The following KHDRBS2 variants were observed in gnomAD, a reference collection of about 807,000 sequenced individuals.
The protein encoded by KHDRBS2 is KH RNA binding domain containing, signal transduction associated 2, also known as KH domain-containing, RNA-binding, signal transduction-associated protein 2.
In KHDRBS2, 26 loss-of-function variants were observed where a neutral mutation model predicts 44.3. That is an observed-to-expected ratio of 0.59 (90% confidence interval 0.43 to 0.81). KHDRBS2 has a LOEUF of 0.81. KHDRBS2 is among the 40% of genes least tolerant of loss of function. The pLI, the probability that KHDRBS2 is intolerant of heterozygous loss-of-function variation, is 0.00. For missense variants in KHDRBS2, 476 were observed against 433.1 expected, an observed-to-expected ratio of 1.10 and a Z score of -0.88; for synonymous variants, 194 against 151.1, an observed-to-expected ratio of 1.28 and a Z score of -2.08.
At chr6:61,668,420 A>C in the KHDRBS2 span, among the ~76,000 whole-genome samples, 2 of 151,124 alleles carry the variant, frequency 1.3e-5, no homozygotes, top group African/African-American at 4.8e-5. Flanking sequence ...TGATAAAAGA[A>C]AAATCTGCTG....
intron 6 of KHDRBS2, among the ~76,000 whole-genome samples, chr6:61,792,203 A>G (rs1329721993): frequency 6.6e-6 from 1 of 151,700 alleles, no homozygotes; most frequent in African/African-American, 2.4e-5. Flanking sequence ...TTACAACATT[A>G]GAACATTGTA....
Position 62,269,348 on chromosome 6 carries a change from G to A in KHDRBS2, c.91+16510C>T, listed in dbSNP as rs4265021. The stretch of plus-strand genomic sequence containing the variant: ...ATCACAAAACATATTTGTAACAAAC[G>A]ATGCAAACCCAGAACACAAATAACT... On this transcript the variant is annotated intron_variant, in intron 1 of 8. Coordinates refer to ENST00000281156, the MANE Select transcript of KHDRBS2 (RefSeq NM_152688.4). Among the ~76,000 whole-genome samples the A allele has an allele frequency of 8.3e-3, 1,266 of 152,048 alleles. 17 individuals are homozygous for A. The highest frequency in any genetic ancestry group is 0.029 in the African/African-American group (1,195 of 41,498).
chr6:62,048,325 A>T (rs1292281463), intron 2 of KHDRBS2, among the ~76,000 whole-genome samples: 1 of 151,912 alleles, frequency 6.6e-6, no homozygotes, highest in East Asian at 1.9e-4. Flanking sequence ...TGGTTTACAG[A>T]ATTTCTAAAG....
chr6:62,049,389 A>G (rs868462609), intron 2 of KHDRBS2, among the ~76,000 whole-genome samples: 3 of 151,950 alleles, frequency 2.0e-5, no homozygotes, highest in Admixed American at 1.3e-4. Context: ...TCATAGAACT[A>G]TATGTGACAA....
chr6:62,229,410 CT>C (rs1243937608), intron 1 of KHDRBS2, among the ~76,000 whole-genome samples: 2 of 152,162 alleles, frequency 1.3e-5, no homozygotes, highest in Non-Finnish European at 2.9e-5. Flanking sequence ...GGCTGCTGCC[CT>C]TCCCCCGCTC....
the KHDRBS2 span, among the ~76,000 whole-genome samples, chr6:61,628,449 G>A: frequency 5.1e-4 from 78 of 152,024 alleles, no homozygotes; most frequent in East Asian, 9.9e-3. Context: ...TCCAAACTCC[G>A]CAGCTGCAGG....
At chr6:61,648,687 TC>T in the KHDRBS2 span, among the ~76,000 whole-genome samples, 1 of 152,126 alleles carries the variant, frequency 6.6e-6, no homozygotes. Context: ...ATTCTAACCA[TC>T]CTGACTGGGG....
chr6:61,931,915 G>A (rs1810127486), intron 4 of KHDRBS2, among the ~76,000 whole-genome samples: 9 of 151,954 alleles, frequency 5.9e-5, no homozygotes, highest in Admixed American at 5.9e-4. Context: ...CAAGGATGAA[G>A]ATTTTTATAA....
intron 1 of KHDRBS2, among the ~76,000 whole-genome samples, chr6:62,235,570 T>C (rs1563110178): frequency 6.6e-6 from 1 of 152,058 alleles, no homozygotes; most frequent in Admixed American, 6.6e-5. Context: ...TCTCACTGAA[T>C]ATTTTTAAAG....
chr6:61,592,315 T>C, the KHDRBS2 span, among the ~76,000 whole-genome samples: 1 of 152,132 alleles, frequency 6.6e-6, no homozygotes, highest in Admixed American at 6.6e-5. Context: ...GGTTTATCCT[T>C]TTATATCATC....
intron 1 of KHDRBS2, among the ~76,000 whole-genome samples, chr6:62,285,131 A>T (rs991670128): frequency 2.0e-5 from 3 of 152,156 alleles, no homozygotes; most frequent in Admixed American, 6.5e-5. Context: ...TCAAAAAAAA[A>T]CCTTTCAAAG....
intron 2 of KHDRBS2, among the ~76,000 whole-genome samples, chr6:62,092,776 T>G (rs1477356050): frequency 6.6e-6 from 1 of 152,106 alleles, no homozygotes; most frequent in Middle Eastern, 3.2e-3. Flanking sequence ...TAATTTTCAT[T>G]ACAGAAAAAG....
At chr6:62,212,430 T>C (rs1334721778) in intron 1 of KHDRBS2, among the ~76,000 whole-genome samples, 2 of 151,518 alleles carry the variant, frequency 1.3e-5, no homozygotes, top group Non-Finnish European at 2.9e-5. Context: ...ATGGGTTGAA[T>C]TGTGTTCCCC....
In KHDRBS2 at chr6:62,049,006, C is replaced by T. The variant is rs193176840; in HGVS notation, c.220-1012G>A. ...TCTTCTCTTCTCTTTTTTCTTTCTG[C>T]CATAATCCCTCAGTAAGAAATACAC... On this transcript the variant is annotated intron_variant, in intron 2 of 8. Transcript: ENST00000281156. 1.8e-3 allele frequency among the ~76,000 whole-genome samples: 267 copies of T among 151,466 alleles called. 2 individuals are homozygous for T. Among genetic ancestry groups the T allele is most frequent in the African/African-American group, 6.3e-3 (260 of 41,352 alleles).
chr6:62,048,121 T>TAC (rs58133580), intron 2 of KHDRBS2, 127 bp from the exon 3 acceptor site: 64,090 of 398,858 alleles, frequency 0.16, 1,056 homozygotes, highest in Non-Finnish European at 0.17. Context: ...GCCATAAACA[T>TAC]ACACACACAC....
chr6:62,001,953 A>C (rs868841845), intron 3 of KHDRBS2, among the ~76,000 whole-genome samples: 4 of 152,268 alleles, frequency 2.6e-5, no homozygotes, highest in African/African-American at 9.6e-5. Flanking sequence ...AAGCAAGTGA[A>C]CTTGCAAAGT....
At chr6:61,851,525 T>A (rs1795415427) in intron 6 of KHDRBS2, among the ~76,000 whole-genome samples, 2 of 152,008 alleles carry the variant, frequency 1.3e-5, no homozygotes, top group Non-Finnish European at 2.9e-5. Flanking sequence ...ACGACTGGTA[T>A]CATCATAAGA....
chr6:61,679,683 C>T (rs1218868810), downstream of KHDRBS2, among the ~76,000 whole-genome samples: 1 of 151,948 alleles, frequency 6.6e-6, no homozygotes, highest in Non-Finnish European at 1.5e-5. Context: ...TGGCCAGTGA[C>T]ACTGATGATT....
At chr6:61,594,570 C>CA in the KHDRBS2 span, among the ~76,000 whole-genome samples, 1 of 152,072 alleles carries the variant, frequency 6.6e-6, no homozygotes, top group Non-Finnish European at 1.5e-5. Context: ...ATGCAATTGA[C>CA]AAACTCCTTT....
Sources: allele counts gnomAD v4.1 joint callset (sites outside exome capture counted in the v4.1 genomes callset), GRCh38; gene constraint gnomAD v4.1.1; transcripts MANE v1.5; gene names NCBI Gene and HGNC (gene_info 2026-07-23, HGNC 2026-07-21).